RNF152: variants seen among roughly 807,000 people sequenced by gnomAD.
RNF152 encodes the protein E3 ubiquitin-protein ligase RNF152.
RNF152 carries 11 observed loss-of-function variants against 12.7 expected under a neutral mutation model. The observed-to-expected ratio is 0.86, with a 90% CI of 0.54 to 1.43. RNF152 has a LOEUF of 1.43. RNF152 is among the 40% of genes most tolerant of loss of function. The pLI, the probability that RNF152 is intolerant of heterozygous loss-of-function variation, is 0.00. For synonymous variants in RNF152, 113 were observed against 120.3 expected (o/e 0.94, Z 0.40); for missense variants, 255 against 274.8 (o/e 0.93, Z 0.51).
chr18:61,816,641 G>C, intron 1 of RNF152, 43 bp from the exon 2 acceptor site: 1 of 654,126 alleles, frequency 1.5e-6, no homozygotes, highest in South Asian at 2.3e-5. Context: ...TTATTTCAAA[G>C]AAGTTGAGAT....
chr18:61,838,304 C>T (rs539583378), intron 1 of RNF152, among the ~76,000 whole-genome samples: 6 of 152,200 alleles, frequency 3.9e-5, no homozygotes, highest in African/African-American at 9.7e-5. Context: ...AATCCTAATT[C>T]AATTTCAGAC....
At chr18:61,892,230 T>C (rs137859887) in intron 1 of RNF152, among the ~76,000 whole-genome samples, 89 of 152,362 alleles carry the variant, frequency 5.8e-4, no homozygotes, top group African/African-American at 2.0e-3. Flanking sequence ...GTTCTCTTTC[T>C]GCTGCCCCCA....
At chr18:61,845,385 C>T (rs1205717945) in intron 1 of RNF152, among the ~76,000 whole-genome samples, 1 of 152,192 alleles carries the variant, frequency 6.6e-6, no homozygotes, top group African/African-American at 2.4e-5. Context: ...TCGCCAAGCC[C>T]ACACATCAGC....
chr18:61,825,710 G>C (rs1054942358), intron 1 of RNF152, among the ~76,000 whole-genome samples: 2 of 152,120 alleles, frequency 1.3e-5, no homozygotes, highest in African/African-American at 2.4e-5. Flanking sequence ...AAGTAGCCAG[G>C]CTCCCTTGGA....
chr18:61,852,939 C>G (rs1444657637), intron 1 of RNF152, among the ~76,000 whole-genome samples: 1 of 152,174 alleles, frequency 6.6e-6, no homozygotes, highest in Non-Finnish European at 1.5e-5. Context: ...TTAAGAAGCC[C>G]TTTTTATTGT....
Position 61,815,904 on chromosome 18 carries a change from A to G in RNF152, c.560T>C (p.Leu187Pro). The change falls in exon 2 of 2, where the codon CTT becomes CCT. Residue 187 changes from leucine to proline, a missense_variant. Transcript: ENST00000312828. ...CVLVFLLGIV[L>P]HNMSCISKRF... The stretch of plus-strand genomic sequence containing the variant: ...CTTAGAAATGCAAGACATGTTGTGA[A>G]GCACGATGCCGAGGAGGAAGACCAA... 3 of 1,614,198 alleles carry G rather than the reference A, an allele frequency of 1.9e-6. No individual in the cohort carries two copies.
chr18:61,833,380 G>T (rs1265126805), intron 1 of RNF152, among the ~76,000 whole-genome samples: 1 of 152,174 alleles, frequency 6.6e-6, no homozygotes, highest in Non-Finnish European at 1.5e-5. Flanking sequence ...GAAGGTGGAG[G>T]TAGCAAAGCC....
At position 61,860,030 on chromosome 18, in the gene RNF152, C is replaced by T. The variant is rs116710395; in HGVS notation, c.-136+32765G>A. Among the ~76,000 whole-genome samples, 283 of 152,138 alleles carry T rather than the reference C, an allele frequency of 1.9e-3. 1 individual carries two copies. Among genetic ancestry groups the T allele is most frequent in the African/African-American group, 6.6e-3 (273 of 41,496 alleles). The stretch of plus-strand genomic sequence containing the variant: ...CCCTTAATCCAACATGACTAGTGTC[C>T]TTTAATACAGAAAAGACTCAGAAAA... On this transcript the variant is annotated intron_variant, in intron 1 of 1. Coordinates refer to ENST00000312828, the MANE Select transcript of RNF152 (RefSeq NM_173557.3).
rs397956442 is a variant in RNF152, at chr18:61,817,742, T to TAAAA, written c.-135-1148_-135-1145dup. On this transcript the variant is annotated intron_variant, in intron 1 of 1. Coordinates refer to ENST00000312828, the MANE Select transcript of RNF152 (RefSeq NM_173557.3). The stretch of plus-strand genomic sequence containing the variant: ...GAAGTCTGGCAAGCATTCCTCATTG[T>TAAAA]AAAAAAAAAAAAAAAGTGTTAGCAT... Among the ~76,000 whole-genome samples the TAAAA allele has an allele frequency of 2.4e-3, 344 of 143,410 alleles. 2 individuals are homozygous for TAAAA. Among genetic ancestry groups the TAAAA allele is most frequent in the African/African-American group, 4.0e-3 (155 of 38,844 alleles). The allele number at this position is 143,410 out of a possible 152,430, so 94.1% of individuals were successfully genotyped here. A position where few individuals can be genotyped will look rare whatever the true frequency, so the allele number is the denominator to read the frequency against.
In RNF152 at chr18:61,810,707, A is replaced by T. The variant is rs899280244; in HGVS notation, c.*5145T>A. The T allele has an allele frequency of 6.6e-6, 1 of 152,246 alleles. No homozygotes were observed. The highest frequency in any genetic ancestry group is 1.5e-5 in the Non-Finnish European group (1 of 68,046). 9.4% of individuals were successfully genotyped at this position (152,246 alleles called of 1,614,324 possible). A position where few individuals can be genotyped will look rare whatever the true frequency, so the allele number is the denominator to read the frequency against. ...GTTGAACAAAATCCAGCAACTGAAC[A>T]TCGTTGCTTTTTAAATAGACTACTA... is the stretch of plus-strand genomic sequence containing the variant. On this transcript the variant is annotated 3_prime_UTR_variant, in exon 2 of 2. Coordinates refer to ENST00000312828, the MANE Select transcript of RNF152 (RefSeq NM_173557.3).
chr18:61,824,096 C>T (rs1909546126), intron 1 of RNF152, among the ~76,000 whole-genome samples: 1 of 152,182 alleles, frequency 6.6e-6, no homozygotes, highest in Non-Finnish European at 1.5e-5. Flanking sequence ...ATATTGGAAT[C>T]TAGACATTTT....
intron 1 of RNF152, among the ~76,000 whole-genome samples, chr18:61,838,939 T>A (rs1393798086): frequency 6.6e-6 from 1 of 151,974 alleles, no homozygotes; most frequent in Non-Finnish European, 1.5e-5. Context: ...CTGACAATAT[T>A]AGAAACTGCC....
rs1180138780 is a variant in RNF152, at chr18:61,809,203, T to TTCCCTC, written c.*6643_*6648dup. On this transcript the variant is annotated 3_prime_UTR_variant, in exon 2 of 2. Coordinates refer to ENST00000312828, the MANE Select transcript of RNF152 (RefSeq NM_173557.3). ...TAGACCCAGTGCTTCATGTCTCCCT[T>TTCCCTC]TCCCTCTCCCTCTCCCTCTACTTAA... 1 of 152,104 alleles carries TTCCCTC rather than the reference T, an allele frequency of 6.6e-6. No individual in the cohort carries two copies. The highest frequency in any genetic ancestry group is 2.4e-5 in the African/African-American group (1 of 41,406). The allele number at this position is 152,104 out of a possible 1,614,324, so 9.4% of individuals were successfully genotyped here. A position where few individuals can be genotyped will look rare whatever the true frequency, so the allele number is the denominator to read the frequency against.
intron 1 of RNF152, among the ~76,000 whole-genome samples, chr18:61,878,642 G>C (rs906874400): frequency 6.6e-6 from 1 of 152,200 alleles, no homozygotes; most frequent in Non-Finnish European, 1.5e-5. Context: ...TGGAAGTTGA[G>C]AAATCCAAGA....
In RNF152 at chr18:61,815,644, A is replaced by G; in HGVS notation, c.*208T>C. 1.8e-6 allele frequency: 1 copy of G among 565,770 alleles called. No homozygotes were observed. The highest frequency in any genetic ancestry group is 3.1e-6 in the Non-Finnish European group (1 of 318,990). The allele number at this position is 565,770 out of a possible 1,614,324, so 35.0% of individuals were successfully genotyped here. ...TGCAATCATCTTCCAAGCTGTTGCC[A>G]TCAACACTCAGAACAATTCACCTGG... On this transcript the variant is annotated 3_prime_UTR_variant, in exon 2 of 2. Coordinates refer to ENST00000312828, the MANE Select transcript of RNF152 (RefSeq NM_173557.3).
chr18:61,833,557 C>T (rs913494365), intron 1 of RNF152, among the ~76,000 whole-genome samples: 3 of 152,170 alleles, frequency 2.0e-5, no homozygotes, highest in African/African-American at 2.4e-5. Context: ...GAACCACAGA[C>T]ACACACAAAC....
intron 1 of RNF152, among the ~76,000 whole-genome samples, chr18:61,849,292 T>G (rs929772991): frequency 2.0e-5 from 3 of 152,106 alleles, no homozygotes; most frequent in Non-Finnish European, 1.5e-5. Context: ...GGCCAGAAAT[T>G]TTCCTTTTTA....
intron 1 of RNF152, among the ~76,000 whole-genome samples, chr18:61,890,179 A>G (rs924074416): frequency 1.3e-5 from 2 of 152,196 alleles, no homozygotes; most frequent in Non-Finnish European, 2.9e-5. Context: ...TGTGACATCC[A>G]ATACCCACCA....
At chr18:61,866,772 G>A (rs1391627793) in intron 1 of RNF152, among the ~76,000 whole-genome samples, 1 of 152,210 alleles carries the variant, frequency 6.6e-6, no homozygotes, top group Admixed American at 6.5e-5. Context: ...CAAAGCAGCA[G>A]CTCTGGCTTT....
Sources: allele counts gnomAD v4.1 joint callset (sites outside exome capture counted in the v4.1 genomes callset), GRCh38; gene constraint gnomAD v4.1.1; transcripts MANE v1.5; gene names NCBI Gene and HGNC (gene_info 2026-07-23, HGNC 2026-07-21).